Variants in CFAP299 observed in about 807,000 individuals in gnomAD.
CFAP299 encodes the protein cilia- and flagella-associated protein 299.
CFAP299 carries 21 observed loss-of-function variants against 27.0 expected under a neutral mutation model. The observed-to-expected ratio is 0.78, with a 90% CI of 0.55 to 1.12. The LOEUF (loss-of-function observed/expected upper bound fraction) is 1.12, where lower values mean the gene tolerates loss of function less well. CFAP299 is among the 50% of genes most tolerant of loss of function. CFAP299 has a pLI of 0.00. For missense variants in CFAP299, 310 were observed against 276.6 expected, an observed-to-expected ratio of 1.12 and a Z score of -0.86; for synonymous variants, 104 against 98.1, an observed-to-expected ratio of 1.06 and a Z score of -0.36.
chr4:80,571,514 A>G (rs980475714), intron 2 of CFAP299, among the ~76,000 whole-genome samples: 2 of 152,160 alleles, frequency 1.3e-5, no homozygotes, highest in Non-Finnish European at 2.9e-5. Flanking sequence ...AAGAAAGTGT[A>G]TGTAGAAAAA....
intron 1 of CFAP299, among the ~76,000 whole-genome samples, chr4:80,355,291 C>G (rs1222520023): frequency 6.8e-6 from 1 of 146,920 alleles, no homozygotes; most frequent in East Asian, 2.0e-4. Context: ...TGATGTTGAA[C>G]TTTTTAAAAT....
At chr4:80,474,281 G>A (rs1269749186) in intron 2 of CFAP299, among the ~76,000 whole-genome samples, 2 of 151,942 alleles carry the variant, frequency 1.3e-5, no homozygotes. Flanking sequence ...TTCTAAAAAT[G>A]GAAATAAAGT....
chr4:80,654,668 A>G (rs966002322), intron 3 of CFAP299, among the ~76,000 whole-genome samples: 3 of 152,044 alleles, frequency 2.0e-5, no homozygotes, highest in Admixed American at 6.6e-5. Flanking sequence ...TGCACAGGCA[A>G]TGATCATAGA....
chr4:80,603,524 G>A (rs1737479827), intron 3 of CFAP299, among the ~76,000 whole-genome samples: 1 of 152,116 alleles, frequency 6.6e-6, no homozygotes, highest in Non-Finnish European at 1.5e-5. Flanking sequence ...TGTACTATTA[G>A]CAGGAGCATT....
chr4:80,600,255 A>C (rs1215062306), intron 3 of CFAP299, among the ~76,000 whole-genome samples: 7 of 152,108 alleles, frequency 4.6e-5, no homozygotes, highest in African/African-American at 1.7e-4. Context: ...TTAAACAAAC[A>C]TATTATCTGA....
chr4:80,676,141 C>A (rs1244512616), intron 3 of CFAP299, among the ~76,000 whole-genome samples: 1 of 152,150 alleles, frequency 6.6e-6, no homozygotes, highest in Non-Finnish European at 1.5e-5. Context: ...GAGCTGCAGA[C>A]CCAAGCTGTT....
Position 80,481,278 on chromosome 4 carries a change from C to G in CFAP299, c.243-101815C>G, listed in dbSNP as rs1030687860. Among the ~76,000 whole-genome samples, 11 of 151,952 alleles carry G rather than the reference C, an allele frequency of 7.2e-5. 1 individual carries two copies. The highest frequency in any genetic ancestry group is 3.2e-3 in the Middle Eastern group (1 of 316). ...GTTTCTGGAAATTTTTCATATGCCA[C>G]AAAAACAAAATAATGTGCTAAAATT... On this transcript the variant is annotated intron_variant, in intron 2 of 5. Coordinates refer to ENST00000358105, the MANE Select transcript of CFAP299 (RefSeq NM_152770.3).
Position 80,878,703 on chromosome 4 carries a change from A to T in CFAP299, c.476+8568A>T, listed in dbSNP as rs184347830. 4.0e-3 allele frequency among the ~76,000 whole-genome samples: 606 copies of T among 152,176 alleles called. 4 individuals are homozygous for T. Among genetic ancestry groups the T allele is most frequent in the Non-Finnish European group, 4.7e-3 (318 of 67,930 alleles). On this transcript the variant is annotated intron_variant, in intron 4 of 5. Coordinates refer to ENST00000358105, the MANE Select transcript of CFAP299 (RefSeq NM_152770.3). ...TTGCTTTCCACAGTTATTTTCATTT[A>T]ATTTTCTAAATTAGAAGAAAGGATA...
At chr4:80,933,132 CTTTT>C (rs988204172) in intron 4 of CFAP299, among the ~76,000 whole-genome samples, 1 of 151,214 alleles carries the variant, frequency 6.6e-6, no homozygotes, top group Non-Finnish European at 1.5e-5. Context: ...TTCCTTCTTT[CTTTT>C]TCTTTCTTTC....
At chr4:80,640,888 A>T (rs940336593) in intron 3 of CFAP299, among the ~76,000 whole-genome samples, 6 of 152,214 alleles carry the variant, frequency 3.9e-5, no homozygotes, top group Non-Finnish European at 8.8e-5. Flanking sequence ...ACAAAAATCC[A>T]GATGAAAATA....
chr4:80,569,157 G>A (rs879679742), intron 2 of CFAP299, among the ~76,000 whole-genome samples: 6 of 151,978 alleles, frequency 3.9e-5, no homozygotes, highest in African/African-American at 1.4e-4. Flanking sequence ...TGAACATTCT[G>A]AACCCTGTTG....
At chr4:80,414,234 C>T (rs1260170638) in intron 2 of CFAP299, among the ~76,000 whole-genome samples, 1 of 151,162 alleles carries the variant, frequency 6.6e-6, no homozygotes, top group Non-Finnish European at 1.5e-5. Flanking sequence ...CTACGCCCGG[C>T]TAATTTTTTG....
chr4:80,913,190 A>C (rs751335415), intron 4 of CFAP299, among the ~76,000 whole-genome samples: 1 of 152,216 alleles, frequency 6.6e-6, no homozygotes, highest in East Asian at 1.9e-4. Context: ...GATAAAAAGA[A>C]AATAGTATTT....
chr4:80,799,448 AAT>A (rs1171751009), intron 3 of CFAP299, among the ~76,000 whole-genome samples: 1 of 90,978 alleles, frequency 1.1e-5, no homozygotes, highest in Non-Finnish European at 1.9e-5. Context: ...ATATTTATAA[AAT>A]ATATATAATA....
At chr4:80,901,738 A>G (rs537356661) in intron 4 of CFAP299, among the ~76,000 whole-genome samples, 1 of 152,100 alleles carries the variant, frequency 6.6e-6, no homozygotes, top group Non-Finnish European at 1.5e-5. Context: ...AATTGGTTCA[A>G]TCACTTCATT....
At chr4:80,752,718 T>C (rs1725006538) in intron 3 of CFAP299, among the ~76,000 whole-genome samples, 1 of 151,844 alleles carries the variant, frequency 6.6e-6, no homozygotes, top group Non-Finnish European at 1.5e-5. Flanking sequence ...CTTCTCTGCC[T>C]CCTTTTGTAT....
At chr4:80,831,575 C>T (rs190781329) in intron 3 of CFAP299, among the ~76,000 whole-genome samples, 3 of 152,220 alleles carry the variant, frequency 2.0e-5, no homozygotes, top group East Asian at 3.9e-4. Flanking sequence ...ATACATCTTC[C>T]AGACCTATTC....
intron 3 of CFAP299, among the ~76,000 whole-genome samples, chr4:80,853,170 A>G (rs539486978): frequency 1.3e-5 from 2 of 152,208 alleles, no homozygotes; most frequent in African/African-American, 4.8e-5. Flanking sequence ...AACTGGGATT[A>G]CAGGTACCTG....
chr4:80,738,040 A>G (rs759031562), intron 3 of CFAP299, among the ~76,000 whole-genome samples: 1 of 152,102 alleles, frequency 6.6e-6, no homozygotes, highest in African/African-American at 2.4e-5. Flanking sequence ...ATAGTTTTCA[A>G]AATTCCACTT....
Sources: allele counts gnomAD v4.1 joint callset (sites outside exome capture counted in the v4.1 genomes callset), GRCh38; gene constraint gnomAD v4.1.1; transcripts MANE v1.5; gene names NCBI Gene and HGNC (gene_info 2026-07-23, HGNC 2026-07-21).